The following GRHL2 variants were observed in gnomAD, a reference collection of about 807,000 sequenced individuals.
GRHL2 encodes the protein grainyhead like transcription factor 2.
In GRHL2, 21 loss-of-function variants were observed where a neutral mutation model predicts 83.8. That is an observed-to-expected ratio of 0.25 (90% CI 0.18 to 0.36). GRHL2 has a LOEUF of 0.36. Ranked by LOEUF, GRHL2 falls within the 10% of genes least tolerant of loss-of-function variation. The pLI is 1.00. For synonymous variants in GRHL2, 280 were observed against 278.9 expected (o/e 1.00, Z -0.04); for missense variants, 623 against 781.8 (o/e 0.80, Z 2.42).
chr8:101,497,064 C>T (rs532428948), intron 1 of GRHL2, among the ~76,000 whole-genome samples: 1 of 152,320 alleles, frequency 6.6e-6, no homozygotes, highest in South Asian at 2.1e-4. Context: ...AACCTTCAGT[C>T]TTGTTTCTTT....
chr8:101,611,732 A>G (rs1262467380), intron 8 of GRHL2, among the ~76,000 whole-genome samples: 1 of 150,816 alleles, frequency 6.6e-6, no homozygotes, highest in African/African-American at 2.5e-5. Flanking sequence ...TCAGAGATGC[A>G]CACTTGGCCT....
intron 14 of GRHL2, among the ~76,000 whole-genome samples, chr8:101,656,741 ATTG>A (rs1216011105): frequency 6.6e-6 from 1 of 152,222 alleles, no homozygotes; most frequent in Non-Finnish European, 1.5e-5. Context: ...GGGATATAGG[ATTG>A]TTGTGAGGAT....
chr8:101,533,862 G>A lies in GRHL2; in HGVS notation c.21-9379G>A, dbSNP rs558156327. On this transcript the variant is annotated intron_variant, in intron 1 of 15. Coordinates refer to ENST00000646743, the MANE Select transcript of GRHL2 (RefSeq NM_024915.4). The stretch of plus-strand genomic sequence containing the variant: ...CCAGTGCAGCAAGATGAGAATGAGT[G>A]AGAAGGAGAGTATGGGGAGAATAGA... Among the ~76,000 whole-genome samples the A allele has an allele frequency of 1.9e-4, 29 of 152,290 alleles. No individual in the cohort carries two copies. In the South Asian group the frequency reaches 4.6e-3, roughly 24 times the overall value.
At chr8:101,600,921 G>A (rs1170625135) in intron 8 of GRHL2, among the ~76,000 whole-genome samples, 1 of 152,164 alleles carries the variant, frequency 6.6e-6, no homozygotes, top group Non-Finnish European at 1.5e-5. Context: ...ACTTTGAGAG[G>A]CCAAGGTGGG....
At chr8:101,677,224 T>TAATAAA in the GRHL2 span, among the ~76,000 whole-genome samples, 15 of 151,436 alleles carry the variant, frequency 9.9e-5, no homozygotes, top group Admixed American at 9.9e-4. Flanking sequence ...ATAATAATAA[T>TAATAAA]AAAAATAAAG....
chr8:101,662,747 G>A (rs1813948148), intron 14 of GRHL2, among the ~76,000 whole-genome samples: 1 of 151,986 alleles, frequency 6.6e-6, no homozygotes, highest in South Asian at 2.1e-4. Context: ...AAAATAAATA[G>A]AACAGAATTT....
intron 1 of GRHL2, among the ~76,000 whole-genome samples, chr8:101,496,311 A>G (rs1367750019): frequency 6.6e-6 from 1 of 152,216 alleles, no homozygotes; most frequent in Non-Finnish European, 1.5e-5. Flanking sequence ...ATAACATTTC[A>G]AGTAATGGGA....
intron 9 of GRHL2, among the ~76,000 whole-genome samples, chr8:101,626,434 T>C (rs1302262682): frequency 6.6e-6 from 1 of 152,094 alleles, no homozygotes; most frequent in Non-Finnish European, 1.5e-5. Context: ...GATACCTATG[T>C]GTGTATCTTT....
chr8:101,527,918 T>G (rs1203180761), intron 1 of GRHL2, among the ~76,000 whole-genome samples: 2 of 152,208 alleles, frequency 1.3e-5, no homozygotes, highest in Non-Finnish European at 2.9e-5. Context: ...AGTTCTGTTC[T>G]GTTGAATGTT....
chr8:101,676,903 C>A, the GRHL2 span, among the ~76,000 whole-genome samples: 7 of 152,030 alleles, frequency 4.6e-5, no homozygotes, highest in Non-Finnish European at 1.0e-4. Context: ...GAGTTCATGT[C>A]CTTTGTAGGG....
At chr8:101,567,264 T>G (rs1586102459) in intron 4 of GRHL2, among the ~76,000 whole-genome samples, 1 of 152,232 alleles carries the variant, frequency 6.6e-6, no homozygotes, top group East Asian at 1.9e-4. Context: ...ACTATCATTT[T>G]TCTGAGTTCA....
chr8:101,594,750 G>A lies in GRHL2; in HGVS notation c.1004-4307G>A, dbSNP rs1047301620. ...CTTAGTTATCTTTCTTGTTTAGAAT[G>A]CCTAAGGATCCATCCATTCATTCAC... On this transcript the variant is annotated intron_variant, in intron 7 of 15. Transcript: ENST00000646743. Among the ~76,000 whole-genome samples, 5 of 152,280 alleles carry A rather than the reference G, an allele frequency of 3.3e-5. No individual in the cohort carries two copies. The Middle Eastern group carries it at 0.01, about 311-fold the overall frequency.
chr8:101,666,824 A>G lies in GRHL2; in HGVS notation c.*121A>G. ...CCCATCTCACAACTGCTGTTACAAG[A>G]CCGTGCTGGGGAGTGGGGCAAGGGA... On this transcript the variant is annotated 3_prime_UTR_variant, in exon 16 of 16. Transcript: ENST00000646743. 1 of 730,992 alleles carries G rather than the reference A, an allele frequency of 1.4e-6. No homozygotes were observed. The highest frequency in any genetic ancestry group is 2.7e-5 in the East Asian group (1 of 37,602). The allele number at this position is 730,992 out of a possible 1,614,324, so 45.3% of individuals were successfully genotyped here.
At chr8:101,553,173 A>G (rs1407977607) in intron 3 of GRHL2, among the ~76,000 whole-genome samples, 1 of 152,230 alleles carries the variant, frequency 6.6e-6, no homozygotes, top group African/African-American at 2.4e-5. Context: ...GGAAGGGGAA[A>G]GAAAGGAGGT....
intron 9 of GRHL2, among the ~76,000 whole-genome samples, chr8:101,627,633 A>G (rs1170453501): frequency 6.6e-6 from 1 of 152,170 alleles, no homozygotes; most frequent in Non-Finnish European, 1.5e-5. Flanking sequence ...GAAGCTAGAA[A>G]TAATTAAGCT....
intron 14 of GRHL2, among the ~76,000 whole-genome samples, chr8:101,650,347 T>C (rs1375980368): frequency 6.6e-6 from 1 of 152,236 alleles, no homozygotes; most frequent in Non-Finnish European, 1.5e-5. Context: ...TAATCGGGAC[T>C]TCACTCTTTT....
intron 2 of GRHL2, among the ~76,000 whole-genome samples, chr8:101,544,498 A>G (rs915110589): frequency 1.7e-4 from 26 of 152,256 alleles, no homozygotes; most frequent in Admixed American, 1.6e-3. Flanking sequence ...AGCATAAAGA[A>G]CTATGCCTGG....
chr8:101,509,131 TTCCTTCC>T (rs1810401870), intron 1 of GRHL2, among the ~76,000 whole-genome samples: 1 of 69,646 alleles, frequency 1.4e-5, no homozygotes, highest in Non-Finnish European at 4.1e-5. Flanking sequence ...CCTTCCTTCC[TTCCTTCC>T]TTCCTTCCTT....
At chr8:101,529,294 A>T (rs1402320737) in intron 1 of GRHL2, among the ~76,000 whole-genome samples, 5 of 152,086 alleles carry the variant, frequency 3.3e-5, no homozygotes, top group Admixed American at 3.3e-4. Flanking sequence ...TTAGCCTGGC[A>T]TGGTGGCATG....
Sources: gnomAD v4.1 joint callset for allele counts (sites outside exome capture counted in the v4.1 genomes callset) on GRCh38, gnomAD v4.1.1 for gene constraint, MANE v1.5 for transcripts, NCBI Gene and HGNC (gene_info 2026-07-23, HGNC 2026-07-21) for gene names.